ADGRV1: variants seen among roughly 807,000 people sequenced by gnomAD.
ADGRV1 encodes the protein G-protein coupled receptor 98.
A neutral mutation model predicts 596.2 loss-of-function variants in ADGRV1; 359 were observed. The ratio of observed to expected loss-of-function variants is 0.60; its 90% CI spans 0.55 to 0.66. The LOEUF is 0.66. Ranked by LOEUF, ADGRV1 falls within the 30% of genes least tolerant of loss-of-function variation. The pLI is 0.00. For missense variants in ADGRV1, 7,274 were observed against 7,575.6 expected (o/e 0.96, Z 1.48); for synonymous variants, 2,681 against 2,679.2 (o/e 1.00, Z -0.02).
intron 83 of ADGRV1, among the ~76,000 whole-genome samples, chr5:90,942,534 A>G (rs1479046958): frequency 2.0e-5 from 3 of 152,098 alleles, no homozygotes; most frequent in Non-Finnish European, 4.4e-5. Flanking sequence ...CAGGTTAAAG[A>G]TTGTAAAGTT....
At chr5:90,824,864 G>C (rs1763938795) in intron 76 of ADGRV1, among the ~76,000 whole-genome samples, 1 of 152,056 alleles carries the variant, frequency 6.6e-6, no homozygotes, top group Admixed American at 6.6e-5. Context: ...TATTCTACTT[G>C]AATTTAAACT....
intron 83 of ADGRV1, among the ~76,000 whole-genome samples, chr5:90,927,757 C>T (rs1581539452): frequency 6.6e-6 from 1 of 152,242 alleles, no homozygotes; most frequent in East Asian, 1.9e-4. Flanking sequence ...CTTGATTTTG[C>T]AGTGGCTGGT....
At chr5:91,093,719 G>T (rs1790577482) in intron 86 of ADGRV1, among the ~76,000 whole-genome samples, 1 of 152,076 alleles carries the variant, frequency 6.6e-6, no homozygotes, top group Non-Finnish European at 1.5e-5. Context: ...CTGGTGGTGA[G>T]GTTTATCTTT....
In ADGRV1 at chr5:90,647,829, C is replaced by T; in HGVS notation, c.3289+65C>T. 8 of 1,418,500 alleles carry T rather than the reference C, an allele frequency of 5.6e-6. No individual in the cohort carries two copies. In the South Asian group the frequency reaches 8.9e-5, roughly 16 times the overall value. The allele number at this position is 1,418,500 out of a possible 1,614,324, so 87.9% of individuals were successfully genotyped here. A position where few individuals can be genotyped will look rare whatever the true frequency, so the allele number is the denominator to read the frequency against. ...TGCTTTAATAAGATGAAATTAAGCACTGCAGTCCAATAATGAGGACAAGTA... is the reference window on the plus strand; with the variant it reads ...TGCTTTAATAAGATGAAATTAAGCATTGCAGTCCAATAATGAGGACAAGTA... On this transcript the variant is annotated intron_variant, in intron 17 of 89. Coordinates refer to ENST00000405460, the MANE Select transcript of ADGRV1 (RefSeq NM_032119.4).
intron 83 of ADGRV1, among the ~76,000 whole-genome samples, chr5:90,882,977 T>G (rs1258143996): frequency 6.6e-6 from 1 of 151,722 alleles, no homozygotes; most frequent in African/African-American, 2.4e-5. Flanking sequence ...GATTTTTAAG[T>G]AAAGATAGCT....
At chr5:90,604,624 G>A (rs1318639786) in intron 1 of ADGRV1, among the ~76,000 whole-genome samples, 1 of 152,238 alleles carries the variant, frequency 6.6e-6, no homozygotes, top group East Asian at 1.9e-4. Context: ...AGATCCTTAA[G>A]ACCGCTTCAT....
At chr5:90,893,069 A>G (rs4244205) in intron 83 of ADGRV1, among the ~76,000 whole-genome samples, 70,819 of 151,888 alleles carry the variant, frequency 0.47, 17,291 homozygotes, top group African/African-American at 0.61. Context: ...TGGGTATCTA[A>G]GAGTGGCTTT....
At chr5:91,053,735 G>A (rs1057311440) in intron 85 of ADGRV1, among the ~76,000 whole-genome samples, 11 of 152,092 alleles carry the variant, frequency 7.2e-5, no homozygotes, top group Non-Finnish European at 1.0e-4. Flanking sequence ...CTTTCCTTGC[G>A]CTCCAGCCAA....
intron 48 of ADGRV1, among the ~76,000 whole-genome samples, chr5:90,728,224 G>A (rs1752055858): frequency 6.6e-6 from 1 of 152,094 alleles, no homozygotes; most frequent in Non-Finnish European, 1.5e-5. Context: ...TGCCACCATG[G>A]GGACAGAAAG....
At chr5:90,967,241 ACT>A (rs34832278) in intron 84 of ADGRV1, among the ~76,000 whole-genome samples, 8,272 of 152,056 alleles carry the variant, frequency 0.054, 401 homozygotes, top group East Asian at 0.24. Context: ...CAAGCTATTG[ACT>A]CTCTCCAAGA....
chr5:90,872,199 A>C (rs1031586369), intron 83 of ADGRV1, among the ~76,000 whole-genome samples: 35 of 152,172 alleles, frequency 2.3e-4, no homozygotes, highest in African/African-American at 8.0e-4. Flanking sequence ...CTTTCCTTGT[A>C]CTATAGGTAA....
intron 75 of ADGRV1, among the ~76,000 whole-genome samples, chr5:90,818,845 A>G (rs1013484812): frequency 1.1e-4 from 16 of 149,812 alleles, no homozygotes; most frequent in Non-Finnish European, 2.1e-4. Flanking sequence ...TTTTGCATCA[A>G]TGTTCATCAA....
chr5:90,647,414 A>C, intron 16 of ADGRV1, 84 bp from the exon 17 acceptor site: 1 of 1,376,822 alleles, frequency 7.3e-7, no homozygotes, highest in East Asian at 2.3e-5. Context: ...TCTCTCTTGG[A>C]GGGCAGGGAG....
chr5:90,923,242 G>T, intron 83 of ADGRV1, among the ~76,000 whole-genome samples: 1 of 152,070 alleles, frequency 6.6e-6, no homozygotes, highest in Middle Eastern at 3.4e-3. Context: ...TTAGCTAAAA[G>T]GATATTTTCA....
In ADGRV1 at chr5:90,777,928, T is replaced by A; in HGVS notation, c.12551T>A (p.Leu4184Ter). The change falls in exon 62 of 90, where the codon TTG becomes TAG. Residue 4184 changes from leucine (L) to a stop codon, truncating the protein, a stop_gained. Transcript: ENST00000405460. LOFTEE classifies it high-confidence loss of function. ...IISLVRGPGI[L>*]GEVTVFWRIF... ...AGCCTTGTTCGAGGCCCAGGGATTT[T>A]GGGGGAGGTCACAGTGTTCTGGAGG... 6.2e-7 allele frequency: 1 copy of A among 1,611,778 alleles called. No homozygotes were observed. The highest frequency in any genetic ancestry group is 8.5e-7 in the Non-Finnish European group (1 of 1,178,510).
At chr5:90,920,654 C>A (rs1300014248) in intron 83 of ADGRV1, among the ~76,000 whole-genome samples, 1 of 152,084 alleles carries the variant, frequency 6.6e-6, no homozygotes, top group Admixed American at 6.5e-5. Context: ...TCATTAGTAT[C>A]TTTTCCTCTA....
chr5:90,985,219 A>G (rs764243559), intron 84 of ADGRV1, 125 bp from the exon 85 acceptor site: 1 of 546,308 alleles, frequency 1.8e-6, no homozygotes, highest in Non-Finnish European at 3.0e-6. Context: ...ACTTAAAAAA[A>G]TCAAAACTAA....
intron 74 of ADGRV1, 114 bp downstream of exon 74, chr5:90,811,452 G>C: frequency 1.0e-6 from 1 of 1,001,138 alleles, no homozygotes; most frequent in Non-Finnish European, 1.4e-6. Context: ...GTTATTCATA[G>C]GAATGCATTA....
At chr5:90,999,099 C>G (rs1472261317) in intron 85 of ADGRV1, among the ~76,000 whole-genome samples, 1 of 151,770 alleles carries the variant, frequency 6.6e-6, no homozygotes, top group Non-Finnish European at 1.5e-5. Flanking sequence ...TTTGTTCTTG[C>G]TCTTTTCTTG....
Sources: gnomAD v4.1 joint callset for allele counts (sites outside exome capture counted in the v4.1 genomes callset) on GRCh38, gnomAD v4.1.1 for gene constraint, MANE v1.5 for transcripts, NCBI Gene and HGNC (gene_info 2026-07-23, HGNC 2026-07-21) for gene names.